CTNNA3: variants seen among roughly 807,000 people sequenced by gnomAD.
CTNNA3 encodes the protein catenin alpha-3.
In CTNNA3, 76 loss-of-function variants were observed where a neutral mutation model predicts 95.7. The observed-to-expected ratio is 0.79, with a 90% CI of 0.66 to 0.96. The LOEUF (loss-of-function observed/expected upper bound fraction) is 0.96. Ranked by LOEUF, CTNNA3 falls within the 40% of genes least tolerant of loss-of-function variation. The pLI is 0.00. For missense variants in CTNNA3, 1,191 were observed against 1,089.8 expected, an observed-to-expected ratio of 1.09 and a Z score of -1.31; for synonymous variants, 431 against 374.4, an observed-to-expected ratio of 1.15 and a Z score of -1.74.
At chr10:66,328,933 T>TATATATAC (rs59003281) in intron 12 of CTNNA3, among the ~76,000 whole-genome samples, 35 of 115,404 alleles carry the variant, frequency 3.0e-4, no homozygotes, top group African/African-American at 1.0e-3. Context: ...TATATATATA[T>TATATATAC]ACACACACAC....
Position 67,607,050 on chromosome 10 carries a change from CT to C in CTNNA3, c.100-2del. 1.2e-6 allele frequency: 2 copies of C among 1,606,494 alleles called. No individual in the cohort carries two copies. Among genetic ancestry groups the C allele is most frequent in the African/African-American group, 1.3e-5 (1 of 74,416 alleles). The stretch of plus-strand genomic sequence containing the variant: ...GGGGACAGTTTACAAGTGTGGTAAC[CT>C]AAAATTGGAAAAATACAAAGTACTA... On this transcript the variant is annotated splice_acceptor_variant, in intron 2 of 17. Transcript: ENST00000433211. LOFTEE classifies it high-confidence loss of function.
intron 7 of CTNNA3, among the ~76,000 whole-genome samples, chr10:66,939,436 T>G (rs1180810397): frequency 6.6e-6 from 1 of 152,130 alleles, no homozygotes; most frequent in Non-Finnish European, 1.5e-5. Flanking sequence ...TTATCTCTCA[T>G]GAAAGCAATA....
chr10:66,978,159 T>C (rs1998753), intron 7 of CTNNA3, among the ~76,000 whole-genome samples: 141,933 of 151,744 alleles, frequency 0.94, 66,882 homozygotes, highest in East Asian at 1. Flanking sequence ...ATTCAATAGG[T>C]ATAAAATTTC....
chr10:66,425,665 T>C (rs2093233443), intron 11 of CTNNA3, among the ~76,000 whole-genome samples: 1 of 148,482 alleles, frequency 6.7e-6, no homozygotes, highest in Non-Finnish European at 1.5e-5. Context: ...TGCTACATTC[T>C]TCATATAAAG....
intron 5 of CTNNA3, among the ~76,000 whole-genome samples, chr10:67,460,883 C>T (rs916167147): frequency 6.6e-6 from 1 of 152,102 alleles, no homozygotes; most frequent in Non-Finnish European, 1.5e-5. Flanking sequence ...TCTCCCAATA[C>T]TATACAGTAA....
At chr10:67,163,661 T>A (rs1422952789) in intron 7 of CTNNA3, among the ~76,000 whole-genome samples, 1 of 151,876 alleles carries the variant, frequency 6.6e-6, no homozygotes, top group Non-Finnish European at 1.5e-5. Flanking sequence ...GACATACAGA[T>A]TTAAAAGGAA....
At chr10:66,023,750 C>T (rs771102184) in intron 15 of CTNNA3, among the ~76,000 whole-genome samples, 14 of 152,146 alleles carry the variant, frequency 9.2e-5, no homozygotes, top group Non-Finnish European at 1.2e-4. Flanking sequence ...AGATGGTCTA[C>T]AGAAACTTTT....
intron 7 of CTNNA3, among the ~76,000 whole-genome samples, chr10:66,867,894 C>T (rs1239916861): frequency 7.8e-6 from 1 of 128,476 alleles, no homozygotes. Flanking sequence ...CAAGGCACTA[C>T]CAAAAAAAAA....
chr10:66,354,191 G>A (rs1471216137), intron 12 of CTNNA3, among the ~76,000 whole-genome samples: 2 of 151,748 alleles, frequency 1.3e-5, no homozygotes, highest in Non-Finnish European at 2.9e-5. Flanking sequence ...GGCTGAGGCA[G>A]GGAGAATCGC....
chr10:66,781,019 T>G (rs1222415793), intron 7 of CTNNA3, among the ~76,000 whole-genome samples: 1 of 152,148 alleles, frequency 6.6e-6, no homozygotes, highest in Non-Finnish European at 1.5e-5. Flanking sequence ...GTGTGTGTAA[T>G]ACGAAGCTGA....
At chr10:66,331,342 GTTTTTTTTTT>G (rs60709020) in intron 12 of CTNNA3, among the ~76,000 whole-genome samples, 3 of 80,336 alleles carry the variant, frequency 3.7e-5, no homozygotes, top group Non-Finnish European at 4.8e-5. Flanking sequence ...CCCATTGTTT[GTTTTTTTTTT>G]TTTTTTTTTT....
chr10:67,394,421 A>C (rs1844642323), intron 5 of CTNNA3, among the ~76,000 whole-genome samples: 1 of 152,160 alleles, frequency 6.6e-6, no homozygotes, highest in South Asian at 2.1e-4. Flanking sequence ...AAGATAGCAC[A>C]GACAGCTATA....
chr10:67,438,198 G>A (rs1004243508), intron 5 of CTNNA3, among the ~76,000 whole-genome samples: 22 of 152,146 alleles, frequency 1.4e-4, no homozygotes, highest in Admixed American at 2.6e-4. Context: ...TGATGGGAAT[G>A]TTCCCACCAC....
At chr10:66,344,509 C>A (rs566852776) in intron 12 of CTNNA3, among the ~76,000 whole-genome samples, 1 of 151,778 alleles carries the variant, frequency 6.6e-6, no homozygotes, top group Non-Finnish European at 1.5e-5. Context: ...TCAGGTGATC[C>A]GTCGGCTTTG....
chr10:66,059,483 C>T (rs2080152484), intron 15 of CTNNA3, among the ~76,000 whole-genome samples: 1 of 152,112 alleles, frequency 6.6e-6, no homozygotes, highest in Non-Finnish European at 1.5e-5. Flanking sequence ...CAGCTCCTAG[C>T]AACATTCTGC....
intron 6 of CTNNA3, among the ~76,000 whole-genome samples, chr10:67,204,324 G>A (rs545401332): frequency 6.6e-6 from 1 of 152,012 alleles, no homozygotes; most frequent in Non-Finnish European, 1.5e-5. Flanking sequence ...GTACTGTAGA[G>A]TGAGTGAGTT....
At chr10:67,053,796 C>T (rs1462493883) in intron 7 of CTNNA3, among the ~76,000 whole-genome samples, 2 of 152,116 alleles carry the variant, frequency 1.3e-5, no homozygotes, top group African/African-American at 4.8e-5. Flanking sequence ...GACTCATTTT[C>T]CCATTGAGAT....
intron 11 of CTNNA3, among the ~76,000 whole-genome samples, chr10:66,396,311 A>G (rs2092976635): frequency 6.6e-6 from 1 of 152,032 alleles, no homozygotes; most frequent in Non-Finnish European, 1.5e-5. Flanking sequence ...GGGATACTAA[A>G]ATTCCCTTTT....
intron 10 of CTNNA3, among the ~76,000 whole-genome samples, chr10:66,527,141 G>A (rs1841296573): frequency 6.6e-6 from 1 of 152,086 alleles, no homozygotes. Context: ...TCGTTGCCAT[G>A]TACTTGTTTT....
Sources: allele counts gnomAD v4.1 joint callset (sites outside exome capture counted in the v4.1 genomes callset), GRCh38; gene constraint gnomAD v4.1.1; transcripts MANE v1.5; gene names NCBI Gene and HGNC (gene_info 2026-07-23, HGNC 2026-07-21).